Variants in MGST2 observed in about 807,000 individuals in gnomAD.
MGST2 encodes the protein glutathione peroxidase MGST2.
MGST2 carries 9 observed loss-of-function variants against 16.6 expected under a neutral mutation model. The ratio of observed to expected loss-of-function variants is 0.54; its 90% CI spans 0.33 to 0.95. The LOEUF (loss-of-function observed/expected upper bound fraction) is 0.95. Among genes scored for constraint, MGST2 ranks in the 40% least tolerant of loss-of-function variants. The pLI, the probability that MGST2 is intolerant of heterozygous loss-of-function variation, is 0.03. For synonymous variants in MGST2, 79 were observed against 68.0 expected, an observed-to-expected ratio of 1.16 and a Z score of -0.79; for missense variants, 159 against 175.1, an observed-to-expected ratio of 0.91 and a Z score of 0.52.
At chr4:139,714,152 C>A (rs531222480) in intron 5 of MGST2, among the ~76,000 whole-genome samples, 33 of 152,256 alleles carry the variant, frequency 2.2e-4, no homozygotes, top group Non-Finnish European at 4.3e-4. Context: ...TATTACTGAC[C>A]AGCTTGTGAG....
downstream of MGST2, among the ~76,000 whole-genome samples, chr4:139,744,271 C>A (rs142270339): frequency 6.6e-6 from 1 of 152,222 alleles, no homozygotes; most frequent in African/African-American, 2.4e-5. Context: ...TCAAGCTGTG[C>A]AGCATTGCAT....
At chr4:139,730,652 C>T in intron 5 of MGST2, 1 of 1,612,280 alleles carries the variant, frequency 6.2e-7, no homozygotes, top group Non-Finnish European at 8.5e-7. Flanking sequence ...CGGGGAAGTC[C>T]AACTGGATGC....
chr4:139,720,469 A>C, intron 5 of MGST2: 1 of 787,744 alleles, frequency 1.3e-6, no homozygotes, highest in Non-Finnish European at 1.8e-6. Flanking sequence ...AAAAATGATT[A>C]TTTTTCTGAT....
chr4:139,674,069 A>G (rs998768723), intron 1 of MGST2, among the ~76,000 whole-genome samples: 2 of 152,202 alleles, frequency 1.3e-5, no homozygotes, highest in Admixed American at 6.5e-5. Flanking sequence ...AGAAATATTA[A>G]GGTTCTAAGC....
intron 5 of MGST2, among the ~76,000 whole-genome samples, chr4:139,731,846 A>G (rs1728740123): frequency 6.6e-6 from 1 of 152,240 alleles, no homozygotes; most frequent in South Asian, 2.1e-4. Flanking sequence ...TGGACAGTGT[A>G]GACTATTAGG....
intron 5 of MGST2, among the ~76,000 whole-genome samples, chr4:139,732,923 G>A (rs1449898702): frequency 6.6e-6 from 1 of 152,164 alleles, no homozygotes; most frequent in Non-Finnish European, 1.5e-5. Flanking sequence ...AAGACAGCTA[G>A]GAAATATTTT....
At chr4:139,667,049 T>C (rs1330399250) in intron 1 of MGST2, among the ~76,000 whole-genome samples, 1 of 152,188 alleles carries the variant, frequency 6.6e-6, no homozygotes, top group Non-Finnish European at 1.5e-5. Context: ...AGCACTTAGA[T>C]CTGTTAAAAG....
chr4:139,749,883 G>A, the MGST2 span, among the ~76,000 whole-genome samples: 2 of 99,918 alleles, frequency 2.0e-5, no homozygotes, highest in Admixed American at 1.1e-4. Flanking sequence ...AGATGAATAA[G>A]AACCCCCCCC....
At chr4:139,722,007 G>A (rs1247220521) in intron 5 of MGST2, among the ~76,000 whole-genome samples, 1 of 152,186 alleles carries the variant, frequency 6.6e-6, no homozygotes, top group Non-Finnish European at 1.5e-5. Flanking sequence ...TGATTGGATA[G>A]ACCCAAATTA....
At chr4:139,684,402 C>A (rs1229089317) in intron 2 of MGST2, among the ~76,000 whole-genome samples, 1 of 152,180 alleles carries the variant, frequency 6.6e-6, no homozygotes, top group South Asian at 2.1e-4. Context: ...CAAAAGAGGA[C>A]TGAGCCCTGA....
downstream of MGST2, among the ~76,000 whole-genome samples, chr4:139,743,664 G>A (rs1729231817): frequency 6.6e-6 from 1 of 152,186 alleles, no homozygotes; most frequent in Admixed American, 6.6e-5. Context: ...ACCACACGGG[G>A]AAAAGCCAGC....
At chr4:139,695,058 A>G (rs1726837119) in intron 2 of MGST2, 139 bp from the exon 3 acceptor site, 2 of 650,520 alleles carry the variant, frequency 3.1e-6, no homozygotes, top group Non-Finnish European at 5.4e-6. Context: ...TTGATTTTAA[A>G]TGTAAAGGTC....
chr4:139,694,552 A>G (rs1411404723), intron 2 of MGST2, among the ~76,000 whole-genome samples: 1 of 152,200 alleles, frequency 6.6e-6, no homozygotes, highest in Non-Finnish European at 1.5e-5. Flanking sequence ...TATAGTTCCC[A>G]GAGAACTATT....
At chr4:139,690,451 A>G (rs1053962645) in intron 2 of MGST2, among the ~76,000 whole-genome samples, 6 of 152,152 alleles carry the variant, frequency 3.9e-5, no homozygotes, top group African/African-American at 1.4e-4. Context: ...CCCATCCTTT[A>G]ATTTTTATGA....
At chr4:139,707,560 G>T (rs1439379743), downstream of MGST2, among the ~76,000 whole-genome samples, 1 of 152,050 alleles carries the variant, frequency 6.6e-6, no homozygotes, top group Admixed American at 6.5e-5. Flanking sequence ...TAATCCTTTG[G>T]GTATATACCC....
intron 2 of MGST2, among the ~76,000 whole-genome samples, chr4:139,690,570 T>C (rs1726519495): frequency 6.6e-6 from 1 of 152,208 alleles, no homozygotes; most frequent in South Asian, 2.1e-4. Context: ...GTTCATGTCT[T>C]GCTCAAGTCT....
At chr4:139,745,144 G>A (rs961680970), downstream of MGST2, among the ~76,000 whole-genome samples, 1 of 152,182 alleles carries the variant, frequency 6.6e-6, no homozygotes, top group African/African-American at 2.4e-5. Flanking sequence ...GAGAAGGAAG[G>A]AAGGAGAGCG....
intron 3 of MGST2, among the ~76,000 whole-genome samples, 186 bp downstream of exon 3, chr4:139,695,453 C>T (rs1291410894): frequency 6.6e-6 from 1 of 152,150 alleles, no homozygotes; most frequent in Non-Finnish European, 1.5e-5. Flanking sequence ...GAAACCCTGT[C>T]TCTACTAAAA....
chr4:139,735,149 G>C lies in MGST2; in HGVS notation c.*49-5063G>C, dbSNP rs1728884231. On this transcript the variant is annotated intron_variant, in intron 5 of 5. Transcript: ENST00000616265. The surrounding 1 kb of genome is among the most constrained non-coding windows in gnomAD (Gnocchi z 5.8). ...AGTCAAGTGTTACTGCGTACAGCAGGTAGCCTGGCAACTGAGAGCACAATA... is the reference window on the plus strand; with the variant it reads ...AGTCAAGTGTTACTGCGTACAGCAGCTAGCCTGGCAACTGAGAGCACAATA... Among the ~76,000 whole-genome samples the C allele has an allele frequency of 6.6e-6, 1 of 152,252 alleles. No homozygotes were observed. Among genetic ancestry groups the C allele is most frequent in the African/African-American group, 2.4e-5 (1 of 41,468 alleles).
Sources: gnomAD v4.1 joint callset for allele counts (sites outside exome capture counted in the v4.1 genomes callset) on GRCh38, gnomAD v4.1.1 for gene constraint, Gnocchi (gnomAD v3.1) non-coding constraint, MANE v1.5 for transcripts, NCBI Gene and HGNC (gene_info 2026-07-23, HGNC 2026-07-21) for gene names.